The following STXBP5L variants were observed in gnomAD, a reference collection of about 807,000 sequenced individuals.
STXBP5L encodes syntaxin binding protein 5L.
In STXBP5L, 65 loss-of-function variants were observed where a neutral mutation model predicts 144.5. The observed-to-expected ratio is 0.45, with a 90% CI of 0.37 to 0.55. STXBP5L has a LOEUF of 0.55. Ranked by LOEUF, STXBP5L falls within the 20% of genes least tolerant of loss-of-function variation. The pLI is 0.00. For synonymous variants in STXBP5L, 505 were observed against 469.6 expected (o/e 1.08, Z -0.97); for missense variants, 1,298 against 1,405.5 (o/e 0.92, Z 1.22).
chr3:121,094,507 G>T (rs1399448436), intron 5 of STXBP5L, among the ~76,000 whole-genome samples: 5 of 151,964 alleles, frequency 3.3e-5, no homozygotes, highest in Non-Finnish European at 7.4e-5. Context: ...TGTTGAATTA[G>T]TCCCTTTACC....
At chr3:120,961,633 A>G (rs990489363) in intron 3 of STXBP5L, among the ~76,000 whole-genome samples, 9 of 152,144 alleles carry the variant, frequency 5.9e-5, no homozygotes, top group Non-Finnish European at 1.0e-4. Context: ...ATAGTATTCC[A>G]TGGTGTATAT....
intron 3 of STXBP5L, among the ~76,000 whole-genome samples, chr3:121,016,818 C>T (rs377066465): frequency 2.1e-4 from 32 of 152,070 alleles, no homozygotes; most frequent in Non-Finnish European, 1.6e-4. Context: ...CAGAAAGCAC[C>T]AGGCCCACAT....
At chr3:121,379,251 T>C (rs1360995203) in intron 21 of STXBP5L, among the ~76,000 whole-genome samples, 1 of 152,202 alleles carries the variant, frequency 6.6e-6, no homozygotes, top group Non-Finnish European at 1.5e-5. Context: ...GCAACCTTAA[T>C]TTCCTCAATT....
At chr3:121,031,877 T>C (rs188373892) in intron 3 of STXBP5L, among the ~76,000 whole-genome samples, 3 of 152,160 alleles carry the variant, frequency 2.0e-5, no homozygotes, top group Non-Finnish European at 2.9e-5. Flanking sequence ...GAATTTGGAA[T>C]AGAATAACAG....
At chr3:121,406,675 C>T (rs1417741700) in intron 22 of STXBP5L, among the ~76,000 whole-genome samples, 1 of 151,854 alleles carries the variant, frequency 6.6e-6, no homozygotes, top group African/African-American at 2.4e-5. Context: ...CTTTTTCATA[C>T]AATTAAAATT....
intron 3 of STXBP5L, among the ~76,000 whole-genome samples, chr3:121,004,562 C>T (rs1944098324): frequency 6.6e-6 from 1 of 152,004 alleles, no homozygotes; most frequent in South Asian, 2.1e-4. Context: ...TGCCTGATTG[C>T]CCTGGCCAGA....
chr3:121,070,926 C>A (rs1013996665), intron 5 of STXBP5L, among the ~76,000 whole-genome samples: 2 of 152,144 alleles, frequency 1.3e-5, no homozygotes, highest in Admixed American at 6.5e-5. Context: ...AGTCATAGGG[C>A]AAGAACTCTG....
chr3:121,400,366 C>T (rs1255218676), intron 22 of STXBP5L, among the ~76,000 whole-genome samples: 3 of 152,174 alleles, frequency 2.0e-5, no homozygotes, highest in African/African-American at 7.2e-5. Context: ...TGGAAGCAGC[C>T]ATCCTTATCC....
intron 19 of STXBP5L, among the ~76,000 whole-genome samples, chr3:121,311,580 C>A (rs930813603): frequency 6.6e-6 from 1 of 152,114 alleles, no homozygotes; most frequent in Non-Finnish European, 1.5e-5. Context: ...CATGAGTGAA[C>A]TCCCATTCAC....
chr3:121,113,948 A>T (rs955219205), intron 5 of STXBP5L, among the ~76,000 whole-genome samples: 2 of 152,016 alleles, frequency 1.3e-5, no homozygotes, highest in Non-Finnish European at 2.9e-5. Flanking sequence ...CTTGGATTAC[A>T]GGCATGAGCC....
At chr3:121,257,449 A>G (rs1364430963) in intron 17 of STXBP5L, 116 bp downstream of exon 17, 9 of 911,420 alleles carry the variant, frequency 9.9e-6, no homozygotes, top group South Asian at 4.1e-5. Context: ...GTGATCTACA[A>G]TTCTTCAGGG....
At chr3:121,313,480 G>A in intron 19 of STXBP5L, among the ~76,000 whole-genome samples, 1 of 85,952 alleles carries the variant, frequency 1.2e-5, no homozygotes, top group African/African-American at 5.2e-5. Context: ...CGACTGGCCG[G>A]GCAGAGGGGC....
At chr3:121,055,747 C>G (rs111509856) in intron 5 of STXBP5L, among the ~76,000 whole-genome samples, 2,218 of 152,100 alleles carry the variant, frequency 0.015, 54 homozygotes, top group African/African-American at 0.05. Flanking sequence ...GTCACCTAAG[C>G]TGGAGTACAG....
intron 3 of STXBP5L, among the ~76,000 whole-genome samples, chr3:120,972,888 G>A (rs189376142): frequency 1.3e-5 from 2 of 152,220 alleles, no homozygotes; most frequent in African/African-American, 2.4e-5. Flanking sequence ...ATTTGCATAT[G>A]TTGAATCGTC....
intron 5 of STXBP5L, among the ~76,000 whole-genome samples, chr3:121,103,208 G>GA (rs1362901575): frequency 6.8e-6 from 1 of 148,082 alleles, no homozygotes; most frequent in Non-Finnish European, 1.5e-5. Flanking sequence ...TATATCCATA[G>GA]AAAAATAAAT....
At chr3:121,329,416 T>C (rs1307019690) in intron 20 of STXBP5L, among the ~76,000 whole-genome samples, 1 of 152,138 alleles carries the variant, frequency 6.6e-6, no homozygotes, top group Non-Finnish European at 1.5e-5. Context: ...GGTCCAGAGG[T>C]TAGAACTGAG....
At chr3:121,389,412 C>T (rs557744268) in intron 22 of STXBP5L, among the ~76,000 whole-genome samples, 2 of 152,242 alleles carry the variant, frequency 1.3e-5, no homozygotes, top group South Asian at 4.1e-4. Flanking sequence ...TTAGTTATTT[C>T]TTGCCTTCTG....
chr3:120,963,003 T>G (rs1939056161), intron 3 of STXBP5L, among the ~76,000 whole-genome samples: 1 of 152,220 alleles, frequency 6.6e-6, no homozygotes, highest in Non-Finnish European at 1.5e-5. Context: ...CCCTTGTTAG[T>G]TGGATTCCTA....
chr3:121,129,059 C>T (rs1284932038), intron 7 of STXBP5L, among the ~76,000 whole-genome samples: 3 of 151,946 alleles, frequency 2.0e-5, no homozygotes, highest in Non-Finnish European at 4.4e-5. Context: ...TATGGTCCTC[C>T]AGTTAGAGGC....
Sources: gnomAD v4.1 joint callset for allele counts (sites outside exome capture counted in the v4.1 genomes callset) on GRCh38, gnomAD v4.1.1 for gene constraint, MANE v1.5 for transcripts, NCBI Gene and HGNC (gene_info 2026-07-23, HGNC 2026-07-21) for gene names.